Variants in PLCB1 observed in about 807,000 individuals in gnomAD.
PLCB1 encodes the protein phospholipase C beta 1.
PLCB1 carries 46 observed loss-of-function variants against 161.8 expected under a neutral mutation model. The ratio of observed to expected loss-of-function variants is 0.28; its 90% confidence interval spans 0.22 to 0.36. The LOEUF (loss-of-function observed/expected upper bound fraction) is 0.36, where lower values mean the gene tolerates loss of function less well. PLCB1 is among the 10% of genes least tolerant of loss of function. PLCB1 has a pLI of 1.00. For missense variants in PLCB1, 1,016 were observed against 1,472.5 expected (o/e 0.69, Z 5.07); for synonymous variants, 517 against 503.7 (o/e 1.03, Z -0.35).
At chr20:8,577,664 T>C (rs1986718296) in intron 3 of PLCB1, among the ~76,000 whole-genome samples, 1 of 152,154 alleles carries the variant, frequency 6.6e-6, no homozygotes, top group Non-Finnish European at 1.5e-5. Flanking sequence ...AAATAAATTT[T>C]AAAAGCTAGA....
chr20:8,879,655 T>C (rs140717012), intron 31 of PLCB1, among the ~76,000 whole-genome samples: 184 of 152,270 alleles, frequency 1.2e-3, no homozygotes, highest in Admixed American at 3.4e-3. Flanking sequence ...AACTTTGGGA[T>C]AGATAAGGGA....
chr20:8,226,754 C>T (rs925804424), intron 2 of PLCB1, among the ~76,000 whole-genome samples: 9 of 151,102 alleles, frequency 6.0e-5, no homozygotes, highest in South Asian at 2.1e-4. Flanking sequence ...GTGGCGCAAT[C>T]TCGGCTCACT....
chr20:8,744,309 A>G (rs1394219815), intron 23 of PLCB1, among the ~76,000 whole-genome samples: 8 of 152,244 alleles, frequency 5.3e-5, no homozygotes. Flanking sequence ...TAGATTATCA[A>G]CTTTAACCCA....
intron 2 of PLCB1, among the ~76,000 whole-genome samples, chr20:8,211,635 A>G (rs998727200): frequency 1.3e-5 from 2 of 152,150 alleles, no homozygotes; most frequent in African/African-American, 4.8e-5. Flanking sequence ...ATGATGAAGT[A>G]AGATAGGAAC....
chr20:8,293,131 GC>G (rs1983462897), intron 2 of PLCB1, among the ~76,000 whole-genome samples: 1 of 152,112 alleles, frequency 6.6e-6, no homozygotes, highest in Non-Finnish European at 1.5e-5. Flanking sequence ...ATATTGAGAA[GC>G]CCATCAAGCT....
chr20:8,815,861 ATATC>A (rs1422764000), intron 31 of PLCB1, among the ~76,000 whole-genome samples: 49 of 152,346 alleles, frequency 3.2e-4, no homozygotes, highest in Non-Finnish European at 1.3e-4. Flanking sequence ...AGCATCAATA[ATATC>A]TATCTGTCTA....
chr20:8,186,331 A>C (rs972793893), intron 2 of PLCB1, among the ~76,000 whole-genome samples: 1 of 152,182 alleles, frequency 6.6e-6, no homozygotes, highest in Non-Finnish European at 1.5e-5. Flanking sequence ...AAATAAATTT[A>C]AGAATAATCT....
intron 3 of PLCB1, among the ~76,000 whole-genome samples, chr20:8,550,828 T>C (rs761690241): frequency 3.3e-5 from 5 of 152,190 alleles, no homozygotes; most frequent in Admixed American, 2.6e-4. Context: ...GTTTGGAGAC[T>C]TCTTCTGGTG....
At chr20:8,480,378 A>G (rs543993103) in intron 3 of PLCB1, among the ~76,000 whole-genome samples, 1 of 152,334 alleles carries the variant, frequency 6.6e-6, no homozygotes, top group South Asian at 2.1e-4. Flanking sequence ...AACTTGAAGC[A>G]TTGAAAAAAT....
chr20:8,321,838 G>C (rs535349265), intron 2 of PLCB1, among the ~76,000 whole-genome samples: 1 of 152,120 alleles, frequency 6.6e-6, no homozygotes, highest in Non-Finnish European at 1.5e-5. Context: ...GTGTCCCCTC[G>C]ATAGACATTC....
At position 8,514,303 on chromosome 20, in the gene PLCB1, G is replaced by A. The variant is rs113130722; in HGVS notation, c.247-113991G>A. On this transcript the variant is annotated intron_variant, in intron 3 of 31. Coordinates refer to ENST00000338037, the MANE Select transcript of PLCB1 (RefSeq NM_015192.4). ...AAAAATAGAAAAATTAGCCAGGCGTGGTGGCGTGAGCCTGTAGTCCCAGCT... is the reference window on the plus strand; with the variant it reads ...AAAAATAGAAAAATTAGCCAGGCGTAGTGGCGTGAGCCTGTAGTCCCAGCT... 2.2e-3 allele frequency among the ~76,000 whole-genome samples: 333 copies of A among 152,156 alleles called. 1 individual carries two copies. Among genetic ancestry groups the A allele is most frequent in the African/African-American group, 7.7e-3 (320 of 41,524 alleles).
intron 3 of PLCB1, among the ~76,000 whole-genome samples, chr20:8,468,515 A>G (rs980644273): frequency 1.3e-5 from 2 of 152,140 alleles, no homozygotes; most frequent in Admixed American, 6.6e-5. Flanking sequence ...TACTTTTTGT[A>G]TAAGGCATAA....
intron 9 of PLCB1, among the ~76,000 whole-genome samples, chr20:8,677,339 A>G (rs1392036439): frequency 3.3e-5 from 5 of 152,156 alleles, no homozygotes; most frequent in Non-Finnish European, 7.3e-5. Flanking sequence ...CTGGAGGTGG[A>G]GGTTGTGGTA....
intron 2 of PLCB1, among the ~76,000 whole-genome samples, chr20:8,220,063 TTGGGAATGTAAA>T (rs1347094490): frequency 6.6e-6 from 1 of 152,134 alleles, no homozygotes; most frequent in Non-Finnish European, 1.5e-5. Context: ...GGTGGTGGAT[TTGGGAATGTAAA>T]TGGAGTTAAA....
intron 23 of PLCB1, among the ~76,000 whole-genome samples, chr20:8,753,905 G>A (rs1439830241): frequency 1.3e-5 from 2 of 152,106 alleles, no homozygotes; most frequent in Non-Finnish European, 2.9e-5. Context: ...CTACTTCACT[G>A]GTTTCTATCA....
intron 3 of PLCB1, among the ~76,000 whole-genome samples, chr20:8,471,014 C>A (rs1276687362): frequency 1.3e-5 from 2 of 151,988 alleles, no homozygotes; most frequent in Admixed American, 1.3e-4. Context: ...AATATGATAA[C>A]TAAGTTTTAC....
chr20:8,451,551 T>G (rs571616937), intron 3 of PLCB1, among the ~76,000 whole-genome samples: 1 of 152,218 alleles, frequency 6.6e-6, no homozygotes, highest in South Asian at 2.1e-4. Flanking sequence ...GGTTTCACCA[T>G]GTTGGACAGG....
At chr20:8,229,840 T>C (rs1046427646) in intron 2 of PLCB1, among the ~76,000 whole-genome samples, 5 of 123,570 alleles carry the variant, frequency 4.0e-5, no homozygotes, top group African/African-American at 1.6e-4. Context: ...CTGGGCAACA[T>C]GGTGAGAGCC....
At chr20:8,842,622 T>G (rs1986547927) in intron 31 of PLCB1, among the ~76,000 whole-genome samples, 1 of 152,152 alleles carries the variant, frequency 6.6e-6, no homozygotes, top group African/African-American at 2.4e-5. Context: ...CTCCAAAAAC[T>G]GAGCTCCCGG....
Sources: gnomAD v4.1 joint callset for allele counts (sites outside exome capture counted in the v4.1 genomes callset) on GRCh38, gnomAD v4.1.1 for gene constraint, MANE v1.5 for transcripts, NCBI Gene and HGNC (gene_info 2026-07-23, HGNC 2026-07-21) for gene names.